The following PKP4 variants were observed in gnomAD, a reference collection of about 807,000 sequenced individuals.
PKP4 encodes plakophilin-4.
In PKP4, 90 loss-of-function variants were observed where a neutral mutation model predicts 145.1. The ratio of observed to expected loss-of-function variants is 0.62; its 90% CI spans 0.52 to 0.74. PKP4 has a LOEUF of 0.74. PKP4 is among the 30% of genes least tolerant of loss of function. The pLI is 0.00. For synonymous variants in PKP4, 563 were observed against 577.2 expected, an observed-to-expected ratio of 0.98 and a Z score of 0.35; for missense variants, 1,340 against 1,482.7, an observed-to-expected ratio of 0.90 and a Z score of 1.58.
intron 3 of PKP4, among the ~76,000 whole-genome samples, chr2:158,600,382 C>T (rs2050131532): frequency 6.6e-6 from 1 of 152,110 alleles, no homozygotes; most frequent in Admixed American, 6.5e-5. Context: ...TGAAAGGGAA[C>T]CGGGATGGAG....
At chr2:158,574,809 G>A (rs1574562727) in intron 2 of PKP4, among the ~76,000 whole-genome samples, 1 of 152,146 alleles carries the variant, frequency 6.6e-6, no homozygotes, top group Non-Finnish European at 1.5e-5. Context: ...AGTATTATGG[G>A]CTCTGCATCC....
intron 11 of PKP4, among the ~76,000 whole-genome samples, chr2:158,654,355 G>A (rs565584982): frequency 6.6e-6 from 1 of 151,950 alleles, no homozygotes; most frequent in East Asian, 1.9e-4. Context: ...TTTTTTTTTG[G>A]AAGTTGCAGA....
rs148513376 is a variant in PKP4, at chr2:158,489,621, G to T, written c.-6+32403G>T. 3.0e-3 allele frequency among the ~76,000 whole-genome samples: 459 copies of T among 152,254 alleles called. 1 individual carries two copies. The highest frequency in any genetic ancestry group is 6.3e-3 in the Admixed American group (96 of 15,300). On this transcript the variant is annotated intron_variant, in intron 1 of 21. Transcript: ENST00000389759. The stretch of plus-strand genomic sequence containing the variant: ...GGGTTTTTGCTGAGGCTCTTCCCAC[G>T]CTGGGCTAAAGATTTATTAACCCTT...
At chr2:158,631,605 G>A in intron 7 of PKP4, 148 bp from the exon 8 acceptor site, 1 of 705,542 alleles carries the variant, frequency 1.4e-6, no homozygotes, top group South Asian at 1.7e-5. Context: ...TTCCCAGACT[G>A]GTCTCAAATT....
chr2:158,473,201 C>T (rs967020316), intron 1 of PKP4, among the ~76,000 whole-genome samples: 15 of 152,154 alleles, frequency 9.9e-5, no homozygotes, highest in Non-Finnish European at 1.8e-4. Flanking sequence ...CACTTATATA[C>T]GGTTGGTGAG....
At chr2:158,597,141 C>G (rs770357539) in intron 3 of PKP4, among the ~76,000 whole-genome samples, 7 of 152,178 alleles carry the variant, frequency 4.6e-5, no homozygotes, top group Admixed American at 3.9e-4. Context: ...CATGTATTCC[C>G]AGCCTCTAAC....
At chr2:158,534,682 C>T (rs1553563753) in intron 2 of PKP4, among the ~76,000 whole-genome samples, 4 of 152,228 alleles carry the variant, frequency 2.6e-5, no homozygotes, top group African/African-American at 7.2e-5. Flanking sequence ...CTATTAACTG[C>T]GTGCAGTAAA....
chr2:158,636,075 A>T (rs1480021939), intron 9 of PKP4, among the ~76,000 whole-genome samples: 4 of 152,098 alleles, frequency 2.6e-5, no homozygotes, highest in Admixed American at 6.5e-5. Context: ...CTACTTGGAA[A>T]CCATATTTAT....
intron 11 of PKP4, among the ~76,000 whole-genome samples, chr2:158,656,077 C>A (rs1320330209): frequency 1.3e-5 from 2 of 152,152 alleles, no homozygotes; most frequent in Non-Finnish European, 2.9e-5. Context: ...AGATTTGAAA[C>A]AGAAACCCAA....
At chr2:158,472,612 CAA>C (rs67665979) in intron 1 of PKP4, among the ~76,000 whole-genome samples, 5 of 65,142 alleles carry the variant, frequency 7.7e-5, no homozygotes, top group Middle Eastern at 9.4e-3. Flanking sequence ...GGCTCCATCT[CAA>C]AAAAAAAAAA....
In PKP4 at chr2:158,680,521, T is replaced by A. The variant is rs776424283; in HGVS notation, c.3423T>A (p.Asp1141Glu). The A allele has an allele frequency of 2.5e-6, 4 of 1,613,844 alleles. No homozygotes were observed. Among genetic ancestry groups the A allele is most frequent in the East Asian group, 4.5e-5 (2 of 44,880 alleles). ...TGCAGTCTCCTCATAGCTATGAAGA[T>A]CCTTATTTTGATGACCGAGTTCACT... The part of the protein sequence containing the change: ...LYLQSPHSYE[D>E]PYFDDRVHFP... The change falls in exon 22 of 22, where the codon GAT becomes GAA. Residue 1141 changes from aspartate (D) to glutamate (E), a missense_variant. Physicochemically the swap from Asp to Glu is conservative, Grantham distance 45. Coordinates refer to ENST00000389759, the MANE Select transcript of PKP4 (RefSeq NM_003628.6).
intron 1 of PKP4, among the ~76,000 whole-genome samples, chr2:158,492,006 G>A (rs986219414): frequency 7.9e-5 from 12 of 152,020 alleles, no homozygotes; most frequent in East Asian, 3.9e-4. Context: ...ATGATGTCTC[G>A]CTATCTTGGC....
rs10195137 is a variant in PKP4, at chr2:158,509,512, C to T, written c.-5-23668C>T. 9.0e-3 allele frequency among the ~76,000 whole-genome samples: 1,370 copies of T among 152,244 alleles called. 19 individuals carry two copies. Among genetic ancestry groups the T allele is most frequent in the African/African-American group, 0.031 (1,278 of 41,528 alleles). On this transcript the variant is annotated intron_variant, in intron 1 of 21. Coordinates refer to ENST00000389759, the MANE Select transcript of PKP4 (RefSeq NM_003628.6). ...TGTTTCAGTATATTGAGACATAAGA[C>T]AATCAAGACTTTTTGAGACATAAGA...
chr2:158,615,382 C>T (rs2051505576), intron 4 of PKP4, among the ~76,000 whole-genome samples: 1 of 152,042 alleles, frequency 6.6e-6, no homozygotes, highest in African/African-American at 2.4e-5. Context: ...CTGTTAAACT[C>T]AGTATTGGGC....
At chr2:158,468,887 G>T (rs893851667) in intron 1 of PKP4, among the ~76,000 whole-genome samples, 2 of 144,976 alleles carry the variant, frequency 1.4e-5, no homozygotes, top group South Asian at 4.4e-4. Context: ...GGACCCACTC[G>T]CATCAGCCTC....
chr2:158,500,941 G>C (rs1696463593), intron 1 of PKP4, among the ~76,000 whole-genome samples: 1 of 152,134 alleles, frequency 6.6e-6, no homozygotes, highest in African/African-American at 2.4e-5. Context: ...TCTGCTGCTT[G>C]ATACTGCCTC....
In PKP4 at chr2:158,653,395, A is replaced by G. The variant is rs139524189; in HGVS notation, c.1910-4736A>G. On this transcript the variant is annotated intron_variant, in intron 11 of 21. Coordinates refer to ENST00000389759, the MANE Select transcript of PKP4 (RefSeq NM_003628.6). Reference sequence around the variant, plus strand: ...TTAGTTTTAAATGTGAGCTCTTTCAAAATTGTGCAGCATAGGATTTATGTG... The same window carrying G: ...TTAGTTTTAAATGTGAGCTCTTTCAGAATTGTGCAGCATAGGATTTATGTG... Among the ~76,000 whole-genome samples, 62 of 152,362 alleles carry G rather than the reference A, an allele frequency of 4.1e-4. 1 individual carries two copies. The East Asian group carries it at 0.011, about 27-fold the overall frequency.
In PKP4 at chr2:158,674,007, G is replaced by C; in HGVS notation, c.3127+7G>C. On this transcript the variant is annotated splice_region_variant and intron_variant, in intron 19 of 21. Transcript: ENST00000389759. ...TCACCCATCATTCAGTCAGGTCAGT[G>C]GGAAAATGCCACTCCTTGGCGAGAA... 6.9e-7 allele frequency: 1 copy of C among 1,443,104 alleles called. No homozygotes were observed. The highest frequency in any genetic ancestry group is 1.1e-5 in the South Asian group (1 of 87,820). The allele number at this position is 1,443,104 out of a possible 1,614,324, so 89.4% of individuals were successfully genotyped here.
intron 9 of PKP4, among the ~76,000 whole-genome samples, chr2:158,639,266 A>G (rs1261539211): frequency 6.6e-6 from 1 of 152,140 alleles, no homozygotes; most frequent in African/African-American, 2.4e-5. Flanking sequence ...TCTTACCAAT[A>G]TTTGTATCTC....
Sources: allele counts gnomAD v4.1 joint callset (sites outside exome capture counted in the v4.1 genomes callset), GRCh38; gene constraint gnomAD v4.1.1; transcripts MANE v1.5; gene names NCBI Gene and HGNC (gene_info 2026-07-23, HGNC 2026-07-21).